Variants in ZNF618 observed in about 807,000 individuals in gnomAD.
ZNF618 encodes the protein neural precursor cell expressed, developmentally down-regulated 10.
Under a neutral mutation model 103.0 loss-of-function variants are expected in ZNF618, and 34 were observed. The observed-to-expected ratio is 0.33, with a 90% CI of 0.25 to 0.44. The LOEUF is 0.44. Among genes scored for constraint, ZNF618 ranks in the 20% least tolerant of loss-of-function variants. The pLI, the probability that ZNF618 is intolerant of heterozygous loss-of-function variation, is 1.00. For missense variants in ZNF618, 1,059 were observed against 1,295.4 expected (o/e 0.82, Z 2.80); for synonymous variants, 551 against 542.2 (o/e 1.02, Z -0.23).
chr9:114,025,141 G>A (rs1843386983), intron 10 of ZNF618, among the ~76,000 whole-genome samples: 1 of 152,206 alleles, frequency 6.6e-6, no homozygotes, highest in African/African-American at 2.4e-5. Context: ...AGAAGTGTGA[G>A]TTCCCCAGTT....
chr9:113,951,425 G>GTGTATATATATACACACACACACATATA, intron 1 of ZNF618, among the ~76,000 whole-genome samples: 1 of 37,558 alleles, frequency 2.7e-5, no homozygotes, highest in Admixed American at 2.9e-4. Context: ...ACATATATGT[G>GTGTATATATATACACACACACACATATA]TGTGTGTATA....
chr9:114,022,300 C>A (rs930286971), intron 10 of ZNF618, among the ~76,000 whole-genome samples: 1 of 151,852 alleles, frequency 6.6e-6, no homozygotes, highest in African/African-American at 2.4e-5. Context: ...AGAGTACTCC[C>A]TCCTCTTCAA....
chr9:114,035,354 C>CGGGA, intron 12 of ZNF618: 1 of 646,340 alleles, frequency 1.5e-6, no homozygotes, highest in Non-Finnish European at 1.9e-6. Context: ...GCTGCCCTCC[C>CGGGA]GGGCAGACCC....
chr9:114,049,006 C>G lies in ZNF618; in HGVS notation c.1704C>G (p.Ala568=). The G allele has an allele frequency of 6.2e-7, 1 of 1,613,444 alleles. No homozygotes were observed. Among genetic ancestry groups the G allele is most frequent in the Non-Finnish European group, 8.5e-7 (1 of 1,179,514 alleles). Residue 568 remains alanine, a synonymous_variant, in exon 15 of 15, where the codon GCC becomes GCG. Transcript: ENST00000374126. The part of the protein sequence containing the change: ...VGPDSCYILT[A]YQAEGNHIKS... The stretch of plus-strand genomic sequence containing the variant: ...CTGACTCCTGCTACATCCTCACAGC[C>G]TACCAGGCCGAGGGCAACCACATCA...
At chr9:113,912,100 C>A (rs934084250) in intron 1 of ZNF618, among the ~76,000 whole-genome samples, 1 of 152,138 alleles carries the variant, frequency 6.6e-6, no homozygotes, top group Non-Finnish European at 1.5e-5. Flanking sequence ...ATACTGCCAC[C>A]GACCACACTT....
At chr9:113,941,949 A>G (rs922679831) in intron 1 of ZNF618, among the ~76,000 whole-genome samples, 13 of 152,192 alleles carry the variant, frequency 8.5e-5, no homozygotes, top group African/African-American at 1.7e-4. Flanking sequence ...CAGCTGGTCA[A>G]CCCTCTCCAG....
chr9:113,881,244 A>G (rs1313407008), intron 1 of ZNF618, among the ~76,000 whole-genome samples: 1 of 152,182 alleles, frequency 6.6e-6, no homozygotes, highest in Non-Finnish European at 1.5e-5. Context: ...ATCAGACAAA[A>G]ACACAGTCTG....
intron 1 of ZNF618, among the ~76,000 whole-genome samples, chr9:113,958,512 AC>A (rs1447955473): frequency 6.6e-6 from 1 of 152,034 alleles, no homozygotes; most frequent in Non-Finnish European, 1.5e-5. Context: ...AGATGGAAAG[AC>A]CCTGTTCCAA....
Position 114,051,037 on chromosome 9 carries a change from C to T in ZNF618, c.*870C>T, listed in dbSNP as rs1197736730. 4.6e-5 allele frequency: 7 copies of T among 152,598 alleles called. No homozygotes were observed. The highest frequency in any genetic ancestry group is 6.5e-5 in the Admixed American group (1 of 15,280). The allele number at this position is 152,598 out of a possible 1,614,324, so 9.5% of individuals were successfully genotyped here. A position where few individuals can be genotyped will look rare whatever the true frequency, so the allele number is the denominator to read the frequency against. Reference sequence around the variant, plus strand: ...TTTTTCAGAGAAGTATAGATACTGTCTCCACTCCCTAATAATTTCTCTCCC... The same window carrying T: ...TTTTTCAGAGAAGTATAGATACTGTTTCCACTCCCTAATAATTTCTCTCCC... On this transcript the variant is annotated 3_prime_UTR_variant, in exon 15 of 15. Coordinates refer to ENST00000374126, the MANE Select transcript of ZNF618 (RefSeq NM_001318042.2).
At chr9:113,985,959 T>G (rs1174105295) in intron 2 of ZNF618, among the ~76,000 whole-genome samples, 3 of 152,252 alleles carry the variant, frequency 2.0e-5, no homozygotes, top group African/African-American at 7.2e-5. Flanking sequence ...AAATGAATTC[T>G]GAGGCGATTG....
At chr9:113,986,918 A>G (rs775435382) in intron 2 of ZNF618, among the ~76,000 whole-genome samples, 6 of 152,222 alleles carry the variant, frequency 3.9e-5, no homozygotes, top group Non-Finnish European at 8.8e-5. Flanking sequence ...CCCAAAGAAG[A>G]GAAAAGTCTT....
chr9:114,002,215 G>A, intron 5 of ZNF618, 142 bp downstream of exon 5: 1 of 781,496 alleles, frequency 1.3e-6, no homozygotes, highest in South Asian at 1.5e-5. Context: ...TCATCAGTAG[G>A]ACAGGGTGCC....
At chr9:113,949,741 G>A (rs996610911) in intron 1 of ZNF618, among the ~76,000 whole-genome samples, 3 of 152,242 alleles carry the variant, frequency 2.0e-5, no homozygotes, top group South Asian at 2.1e-4. Context: ...CCGCCGATGT[G>A]TAAGTGTGTC....
intron 2 of ZNF618, among the ~76,000 whole-genome samples, chr9:113,977,446 T>C (rs1229910944): frequency 6.6e-6 from 1 of 152,176 alleles, no homozygotes; most frequent in Admixed American, 6.5e-5. Context: ...AGGGATGGCC[T>C]CGCTCTTTAG....
rs77010596 is a variant in ZNF618, at chr9:114,028,375, T to G, written c.845-358T>G. 3.6e-3 allele frequency: 835 copies of G among 231,644 alleles called. 6 individuals carry two copies. The highest frequency in any genetic ancestry group is 0.017 in the African/African-American group (757 of 44,586). The allele number at this position is 231,644 out of a possible 1,614,324, so 14.3% of individuals were successfully genotyped here. A position where few individuals can be genotyped will look rare whatever the true frequency, so the allele number is the denominator to read the frequency against. ...ATTGTAACTTCCAAGCCAGCCTTCC[T>G]TTAAAGGAAAAGGAGCTTAGAAACC... On this transcript the variant is annotated intron_variant, in intron 10 of 14. Coordinates refer to ENST00000374126, the MANE Select transcript of ZNF618 (RefSeq NM_001318042.2).
At chr9:113,923,832 C>T (rs565934073) in intron 1 of ZNF618, among the ~76,000 whole-genome samples, 1 of 152,138 alleles carries the variant, frequency 6.6e-6, no homozygotes, top group East Asian at 1.9e-4. Context: ...GGATTTCAGA[C>T]TTCTTTTCAG....
At position 113,951,536 on chromosome 9, in the gene ZNF618, T is replaced by TACACATGTAC. The variant is rs753044592; in HGVS notation, c.34-17578_34-17577insCATGTACACA. 9.1e-5 allele frequency among the ~76,000 whole-genome samples: 7 copies of TACACATGTAC among 76,982 alleles called. 1 individual carries two copies. The highest frequency in any genetic ancestry group is 1.7e-4 in the Non-Finnish European group (6 of 35,302). 50.5% of individuals were successfully genotyped at this position (76,982 alleles called of 152,430 possible). On this transcript the variant is annotated intron_variant, in intron 1 of 14. Transcript: ENST00000374126. ...GTGTGTATATGTACACATATGTGTG[T>TACACATGTAC]ACATATGTACACATATGTGTGTGTA...
chr9:114,019,056 A>G (rs1842864463), intron 10 of ZNF618, among the ~76,000 whole-genome samples: 1 of 152,224 alleles, frequency 6.6e-6, no homozygotes, highest in Non-Finnish European at 1.5e-5. Flanking sequence ...ATAAGGACAT[A>G]GACTGACTGT....
chr9:113,953,363 T>G (rs1426563424), intron 1 of ZNF618, among the ~76,000 whole-genome samples: 1 of 152,200 alleles, frequency 6.6e-6, no homozygotes, highest in African/African-American at 2.4e-5. Context: ...CCTCTATAGA[T>G]GTACAGCATG....
Sources: allele counts gnomAD v4.1 joint callset (sites outside exome capture counted in the v4.1 genomes callset), GRCh38; gene constraint gnomAD v4.1.1; transcripts MANE v1.5; gene names NCBI Gene and HGNC (gene_info 2026-07-23, HGNC 2026-07-21).